The following DLGAP1 variants were observed in gnomAD, a reference collection of about 807,000 sequenced individuals.
The protein encoded by DLGAP1 is disks large-associated protein 1.
Under a neutral mutation model 90.8 loss-of-function variants are expected in DLGAP1, and 11 were observed. The ratio of observed to expected loss-of-function variants is 0.12; its 90% CI spans 0.08 to 0.20. The LOEUF is 0.20. Among genes scored for constraint, DLGAP1 ranks in the 10% least tolerant of loss-of-function variants. The probability of loss-of-function intolerance (pLI) is 1.00; values close to 1 mark genes in which losing one functional copy is unlikely to be tolerated. For missense variants in DLGAP1, 1,050 were observed against 1,333.8 expected, an observed-to-expected ratio of 0.79 and a Z score of 3.31; for synonymous variants, 558 against 540.7, an observed-to-expected ratio of 1.03 and a Z score of -0.44.
In DLGAP1 at chr18:4,018,941, T is replaced by C. The variant is rs1464424412; in HGVS notation, c.-158-13740A>G. Among the ~76,000 whole-genome samples, 9 of 152,226 alleles carry C rather than the reference T, an allele frequency of 5.9e-5. No homozygotes were observed. The South Asian group carries it at 1.7e-3, about 28-fold the overall frequency. ...GGGCTATCATTCTATACATAAGAAT[T>C]TGACAGAAAAACTCAAGGCTTTAAA... On this transcript the variant is annotated intron_variant, in intron 2 of 12. Coordinates refer to ENST00000315677, the MANE Select transcript of DLGAP1 (RefSeq NM_004746.4).
intron 1 of DLGAP1, among the ~76,000 whole-genome samples, chr18:4,273,342 C>A (rs964349889): frequency 6.6e-6 from 1 of 152,208 alleles, no homozygotes; most frequent in Non-Finnish European, 1.5e-5. Context: ...TACTTGCTCT[C>A]CTTTTCCTGG....
intron 2 of DLGAP1, among the ~76,000 whole-genome samples, chr18:4,136,946 AC>A: frequency 6.6e-6 from 1 of 152,236 alleles, no homozygotes. Context: ...CATGTGCACA[AC>A]GTGCAGGTTA....
intron 1 of DLGAP1, among the ~76,000 whole-genome samples, chr18:4,215,446 C>G (rs1384540767): frequency 6.6e-6 from 1 of 152,118 alleles, no homozygotes; most frequent in African/African-American, 2.4e-5. Context: ...GAGTCTCATT[C>G]TTTGAACGGC....
chr18:3,958,622 CAAAAAAAAA>C (rs11342881), intron 3 of DLGAP1, among the ~76,000 whole-genome samples: 1 of 123,568 alleles, frequency 8.1e-6, no homozygotes, highest in Admixed American at 8.4e-5. Flanking sequence ...ATCCTCTTTA[CAAAAAAAAA>C]AAAAAAAAGG....
At chr18:4,306,150 G>C (rs2143364029) in intron 1 of DLGAP1, among the ~76,000 whole-genome samples, 1 of 151,876 alleles carries the variant, frequency 6.6e-6, no homozygotes, top group Non-Finnish European at 1.5e-5. Context: ...GAAAACTGGT[G>C]GATAACGAAT....
At chr18:4,160,018 A>T (rs945401886) in intron 1 of DLGAP1, among the ~76,000 whole-genome samples, 1 of 152,240 alleles carries the variant, frequency 6.6e-6, no homozygotes, top group Non-Finnish European at 1.5e-5. Flanking sequence ...ATGAACAGAA[A>T]GTGCGTAATG....
At chr18:3,617,166 T>A (rs2057903678) in intron 7 of DLGAP1, among the ~76,000 whole-genome samples, 1 of 152,170 alleles carries the variant, frequency 6.6e-6, no homozygotes, top group African/African-American at 2.4e-5. Flanking sequence ...ATGATTGCTT[T>A]AAGACATTAA....
At chr18:3,946,615 A>T (rs1231466619) in intron 3 of DLGAP1, among the ~76,000 whole-genome samples, 1 of 152,188 alleles carries the variant, frequency 6.6e-6, no homozygotes, top group Non-Finnish European at 1.5e-5. Flanking sequence ...TCAGAGAAAC[A>T]AACAAAAACA....
chr18:3,694,922 C>T (rs1436322245), intron 7 of DLGAP1, among the ~76,000 whole-genome samples: 3 of 145,320 alleles, frequency 2.1e-5, no homozygotes, highest in Admixed American at 6.9e-5. Flanking sequence ...GTCCCTATTG[C>T]TTTTGGTGTT....
chr18:4,045,850 A>G (rs536519195), intron 2 of DLGAP1, among the ~76,000 whole-genome samples: 1 of 143,748 alleles, frequency 7.0e-6, no homozygotes, highest in East Asian at 2.0e-4. Context: ...GTGCAGTGGT[A>G]TGATCGTAGC....
intron 7 of DLGAP1, among the ~76,000 whole-genome samples, chr18:3,654,199 C>G (rs928788020): frequency 6.6e-6 from 1 of 152,170 alleles, no homozygotes; most frequent in East Asian, 1.9e-4. Flanking sequence ...CTCCAGAGAA[C>G]TTCCTGTGAG....
intron 4 of DLGAP1, chr18:3,874,356 G>A: frequency 2.0e-6 from 3 of 1,502,734 alleles, no homozygotes; most frequent in Non-Finnish European, 2.7e-6. Context: ...CCCTTTTCCT[G>A]TTTCTACGGC....
intron 1 of DLGAP1, among the ~76,000 whole-genome samples, chr18:4,380,452 A>T (rs2082091904): frequency 6.6e-6 from 1 of 152,154 alleles, no homozygotes; most frequent in Admixed American, 6.5e-5. Flanking sequence ...AGGGAGTCAG[A>T]TATTAACACA....
In DLGAP1 at chr18:4,326,164, C is replaced by CA. The variant is rs530577639; in HGVS notation, c.-267+128841dup. Among the ~76,000 whole-genome samples the CA allele has an allele frequency of 1.3e-4, 20 of 151,386 alleles. No homozygotes were observed. In the South Asian group the frequency reaches 3.8e-3, roughly 28 times the overall value. On this transcript the variant is annotated intron_variant, in intron 1 of 12. Transcript: ENST00000315677. The stretch of plus-strand genomic sequence containing the variant: ...TATAAGAAACCAACAAATTTGTAAG[C>CA]AAAAAACAAGCAAAAGTGGACAAAG...
chr18:3,580,776 G>T, intron 8 of DLGAP1: 1 of 1,610,170 alleles, frequency 6.2e-7, no homozygotes, highest in Non-Finnish European at 8.5e-7. Flanking sequence ...ACTTTGCAGT[G>T]TGCATGGTCA....
intron 1 of DLGAP1, among the ~76,000 whole-genome samples, chr18:4,230,882 C>T (rs1275511734): frequency 1.3e-5 from 2 of 151,040 alleles, no homozygotes; most frequent in African/African-American, 2.4e-5. Flanking sequence ...GTCATGTATG[C>T]CATAAATAGA....
intron 6 of DLGAP1, among the ~76,000 whole-genome samples, chr18:3,732,480 A>G (rs2062472569): frequency 6.6e-6 from 1 of 152,242 alleles, no homozygotes; most frequent in African/African-American, 2.4e-5. Flanking sequence ...ATGGTAGGAT[A>G]AATGCTTGAT....
At chr18:3,528,016 A>C (rs911849381) in intron 10 of DLGAP1, among the ~76,000 whole-genome samples, 2 of 152,220 alleles carry the variant, frequency 1.3e-5, no homozygotes, top group South Asian at 2.1e-4. Flanking sequence ...AATTGGGATA[A>C]TTCTGGTACC....
intron 4 of DLGAP1, among the ~76,000 whole-genome samples, chr18:3,846,802 G>A (rs1301281974): frequency 6.6e-6 from 1 of 152,138 alleles, no homozygotes; most frequent in Non-Finnish European, 1.5e-5. Context: ...GGGGTAGGGG[G>A]ACCAGGAAGT....
Sources: gnomAD v4.1 joint callset for allele counts (sites outside exome capture counted in the v4.1 genomes callset) on GRCh38, gnomAD v4.1.1 for gene constraint, MANE v1.5 for transcripts, NCBI Gene and HGNC (gene_info 2026-07-23, HGNC 2026-07-21) for gene names.